The following XYLB variants were observed in gnomAD, a reference collection of about 807,000 sequenced individuals.
XYLB encodes xylulose kinase.
XYLB carries 62 observed loss-of-function variants against 78.7 expected under a neutral mutation model. The ratio of observed to expected loss-of-function variants is 0.79; its 90% CI spans 0.64 to 0.97. The LOEUF (loss-of-function observed/expected upper bound fraction) is 0.97. Among genes scored for constraint, XYLB ranks in the 50% least tolerant of loss-of-function variants. The pLI is 0.00. For synonymous variants in XYLB, 245 were observed against 247.4 expected (o/e 0.99, Z 0.09); for missense variants, 687 against 676.8 (o/e 1.02, Z -0.17).
intron 3 of XYLB, among the ~76,000 whole-genome samples, chr3:38,362,684 A>G (rs1422134293): frequency 3.9e-5 from 6 of 152,242 alleles, no homozygotes; most frequent in Non-Finnish European, 7.3e-5. Context: ...ATGGAGAAGT[A>G]AAATTTGAGG....
chr3:38,431,471 A>G, the XYLB span, among the ~76,000 whole-genome samples: 1 of 152,214 alleles, frequency 6.6e-6, no homozygotes, highest in Non-Finnish European at 1.5e-5. Context: ...GGGGTTTTCT[A>G]AACATACGAT....
chr3:38,362,269 C>T (rs1356025281), intron 3 of XYLB, among the ~76,000 whole-genome samples: 4 of 152,228 alleles, frequency 2.6e-5, no homozygotes, highest in Non-Finnish European at 5.9e-5. Flanking sequence ...GACAAGGTCT[C>T]ACTGTGTTGC....
chr3:38,371,008 G>T (rs1027478487), intron 9 of XYLB, among the ~76,000 whole-genome samples: 1 of 152,216 alleles, frequency 6.6e-6, no homozygotes, highest in African/African-American at 2.4e-5. Flanking sequence ...AGGGACAAGG[G>T]CACCCTGAGG....
rs201414004 is a variant in XYLB, at chr3:38,411,647, TA to T, written c.1534-1275del. 5.1e-3 allele frequency among the ~76,000 whole-genome samples: 721 copies of T among 141,796 alleles called. 2 individuals carry two copies. The highest frequency in any genetic ancestry group is 6.2e-3 in the Non-Finnish European group (397 of 64,382). 93.0% of individuals were successfully genotyped at this position (141,796 alleles called of 152,430 possible). A position where few individuals can be genotyped will look rare whatever the true frequency, so the allele number is the denominator to read the frequency against. ...ATTAAGTCTTCTTAGATAAAGGATT[TA>T]AAAAAAAAAAAAACCCTTTCCTATT... On this transcript the variant is annotated intron_variant, in intron 18 of 18. Transcript: ENST00000207870.
chr3:38,412,433 C>T (rs1575547888), intron 18 of XYLB, among the ~76,000 whole-genome samples: 1 of 152,288 alleles, frequency 6.6e-6, no homozygotes, highest in Non-Finnish European at 1.5e-5. Flanking sequence ...TTTCTCCAGG[C>T]TGTCTTCCCT....
intron 15 of XYLB, 101 bp from the exon 16 acceptor site, chr3:38,395,404 C>A: frequency 1.9e-6 from 2 of 1,038,630 alleles, no homozygotes; most frequent in Non-Finnish European, 1.5e-6. Context: ...GAGGCATTGG[C>A]CCATCATGAG....
intron 18 of XYLB, among the ~76,000 whole-genome samples, chr3:38,401,439 A>G (rs1022282080): frequency 1.3e-5 from 2 of 152,180 alleles, no homozygotes; most frequent in African/African-American, 2.4e-5. Flanking sequence ...TGAGATGTCA[A>G]CTAAGATATA....
chr3:38,376,049 C>T, intron 12 of XYLB, 68 bp from the exon 13 acceptor site: 1 of 1,057,064 alleles, frequency 9.5e-7, no homozygotes, highest in Non-Finnish European at 1.5e-6. Context: ...TGAGTCTCTT[C>T]ACTGAAACTC....
At chr3:38,424,382 C>G (rs185393593), downstream of XYLB, among the ~76,000 whole-genome samples, 1 of 152,256 alleles carries the variant, frequency 6.6e-6, no homozygotes, top group East Asian at 1.9e-4. Flanking sequence ...TACAAAGGCA[C>G]AAATACAAAA....
At chr3:38,351,860 T>G (rs1170005338) in intron 2 of XYLB, among the ~76,000 whole-genome samples, 1 of 152,262 alleles carries the variant, frequency 6.6e-6, no homozygotes, top group Non-Finnish European at 1.5e-5. Context: ...TGGTTCCTAT[T>G]ATTGCCGAGT....
intron 2 of XYLB, among the ~76,000 whole-genome samples, chr3:38,354,935 A>G (rs1030273898): frequency 1.3e-5 from 2 of 152,216 alleles, no homozygotes; most frequent in African/African-American, 4.8e-5. Context: ...CTTCTTTTGA[A>G]TACTTCACAT....
intron 18 of XYLB, among the ~76,000 whole-genome samples, chr3:38,403,649 A>G (rs1292443343): frequency 6.6e-6 from 1 of 152,142 alleles, no homozygotes; most frequent in Non-Finnish European, 1.5e-5. Flanking sequence ...ACTTGGTCAT[A>G]TGGTCAATTC....
intron 18 of XYLB, among the ~76,000 whole-genome samples, chr3:38,409,678 C>A (rs1397461085): frequency 6.6e-6 from 1 of 152,180 alleles, no homozygotes; most frequent in Non-Finnish European, 1.5e-5. Flanking sequence ...TGATAAGCAA[C>A]TTCAGCAAAG....
intron 15 of XYLB, among the ~76,000 whole-genome samples, chr3:38,390,395 G>A (rs1707597121): frequency 6.6e-6 from 1 of 152,018 alleles, no homozygotes; most frequent in Non-Finnish European, 1.5e-5. Flanking sequence ...TGTATTTTTA[G>A]TAGAGACGGG....
chr3:38,397,658 G>A (rs1306595737), intron 17 of XYLB, among the ~76,000 whole-genome samples: 8 of 152,088 alleles, frequency 5.3e-5, no homozygotes, highest in Non-Finnish European at 4.4e-5. Flanking sequence ...CGATCTAGGC[G>A]AGTTCTGGCA....
At chr3:38,371,993 A>T (rs1165639080) in intron 9 of XYLB, among the ~76,000 whole-genome samples, 1 of 152,226 alleles carries the variant, frequency 6.6e-6, no homozygotes, top group African/African-American at 2.4e-5. Context: ...GCGAGAACAC[A>T]TGCCTCCAAG....
chr3:38,405,941 C>A (rs1708302287), intron 18 of XYLB, among the ~76,000 whole-genome samples: 1 of 152,270 alleles, frequency 6.6e-6, no homozygotes, highest in African/African-American at 2.4e-5. Flanking sequence ...TCTGTAGGCT[C>A]CACCTCTGGG....
chr3:38,417,918 G>A (rs372205406), downstream of XYLB, among the ~76,000 whole-genome samples: 12 of 150,964 alleles, frequency 7.9e-5, no homozygotes, highest in South Asian at 4.2e-4. Flanking sequence ...CAGGCCGGGC[G>A]TGGTGTCTCA....
intron 15 of XYLB, among the ~76,000 whole-genome samples, chr3:38,393,183 C>T (rs770770783): frequency 3.9e-5 from 6 of 151,966 alleles, no homozygotes; most frequent in Middle Eastern, 3.4e-3. Context: ...CAGGGTCTCA[C>T]TTTGCCGCAC....
Sources: gnomAD v4.1 joint callset for allele counts (sites outside exome capture counted in the v4.1 genomes callset) on GRCh38, gnomAD v4.1.1 for gene constraint, MANE v1.5 for transcripts, NCBI Gene and HGNC (gene_info 2026-07-23, HGNC 2026-07-21) for gene names.